LRP1B: variants seen among roughly 807,000 people sequenced by gnomAD.
LRP1B encodes the protein LDL receptor related protein 1B.
In LRP1B, 217 loss-of-function variants were observed where a neutral mutation model predicts 556.6. That is an observed-to-expected ratio of 0.39 (90% CI 0.35 to 0.44). LRP1B has a LOEUF of 0.44. LRP1B is among the 20% of genes least tolerant of loss of function. The pLI, the probability that LRP1B is intolerant of heterozygous loss-of-function variation, is 1.00. For missense variants in LRP1B, 5,053 were observed against 5,620.8 expected (o/e 0.90, Z 3.23); for synonymous variants, 2,047 against 1,865.8 (o/e 1.10, Z -2.50).
At chr2:141,094,219 T>C (rs1700240274) in intron 7 of LRP1B, among the ~76,000 whole-genome samples, 1 of 152,174 alleles carries the variant, frequency 6.6e-6, no homozygotes. Flanking sequence ...GTACTAAATA[T>C]TCTTTAAACA....
chr2:141,031,224 A>G (rs1019172365), intron 11 of LRP1B, among the ~76,000 whole-genome samples: 1 of 150,808 alleles, frequency 6.6e-6, no homozygotes, highest in Non-Finnish European at 1.5e-5. Flanking sequence ...TTTCTGGAGG[A>G]GCTATATATA....
At chr2:140,338,138 C>T (rs908438104) in intron 77 of LRP1B, among the ~76,000 whole-genome samples, 1 of 151,622 alleles carries the variant, frequency 6.6e-6, no homozygotes, top group South Asian at 2.1e-4. Context: ...TTAATATATA[C>T]ATTTATTCTC....
At chr2:140,382,465 A>T (rs576057880) in intron 67 of LRP1B, among the ~76,000 whole-genome samples, 1 of 152,322 alleles carries the variant, frequency 6.6e-6, no homozygotes, top group Non-Finnish European at 1.5e-5. Flanking sequence ...TTATTTCCAA[A>T]CCTCTGATCC....
intron 11 of LRP1B, among the ~76,000 whole-genome samples, chr2:141,023,275 A>T (rs1296763142): frequency 6.6e-6 from 1 of 151,930 alleles, no homozygotes; most frequent in Non-Finnish European, 1.5e-5. Context: ...CCACACACTC[A>T]CATATCTCAT....
intron 22 of LRP1B, among the ~76,000 whole-genome samples, chr2:140,904,807 A>C (rs1054136585): frequency 8.5e-5 from 13 of 152,150 alleles, no homozygotes; most frequent in Non-Finnish European, 1.8e-4. Flanking sequence ...CTTTTTCCAG[A>C]GAATTACTGT....
At chr2:141,042,899 T>TAAA (rs1008647736) in intron 11 of LRP1B, among the ~76,000 whole-genome samples, 81 of 151,976 alleles carry the variant, frequency 5.3e-4, no homozygotes, top group African/African-American at 1.9e-3. Flanking sequence ...GGGCCCATAC[T>TAAA]TTACGTAAAA....
chr2:141,795,372 G>T (rs1695768631), intron 2 of LRP1B, among the ~76,000 whole-genome samples: 1 of 152,008 alleles, frequency 6.6e-6, no homozygotes, highest in Non-Finnish European at 1.5e-5. Flanking sequence ...TATGTTGTGT[G>T]TACATGCATG....
At chr2:140,573,809 C>CT (rs1303104083) in intron 43 of LRP1B, among the ~76,000 whole-genome samples, 2 of 151,994 alleles carry the variant, frequency 1.3e-5, no homozygotes, top group Non-Finnish European at 2.9e-5. Flanking sequence ...AGTTCCACTC[C>CT]TGTGATTTTT....
intron 3 of LRP1B, among the ~76,000 whole-genome samples, chr2:141,459,068 A>C (rs7578251): frequency 2.6e-5 from 4 of 152,026 alleles, no homozygotes; most frequent in African/African-American, 9.7e-5. Context: ...GATCAATTAA[A>C]TTGAGCTAAA....
chr2:140,801,911 G>A (rs1690528010), intron 32 of LRP1B, among the ~76,000 whole-genome samples: 1 of 151,918 alleles, frequency 6.6e-6, no homozygotes, highest in African/African-American at 2.4e-5. Context: ...TAACCAGAGT[G>A]TGAAAGGAAA....
intron 3 of LRP1B, among the ~76,000 whole-genome samples, chr2:141,367,594 T>C (rs772505771): frequency 7.6e-5 from 11 of 145,622 alleles, no homozygotes; most frequent in Non-Finnish European, 1.4e-4. Context: ...ACCATTCTCC[T>C]TCCCCAGCCT....
At chr2:140,570,187 G>T (rs1681272307) in intron 43 of LRP1B, among the ~76,000 whole-genome samples, 1 of 151,224 alleles carries the variant, frequency 6.6e-6, no homozygotes, top group Non-Finnish European at 1.5e-5. Flanking sequence ...ATAGATTGGA[G>T]CAGAAATAAA....
intron 45 of LRP1B, among the ~76,000 whole-genome samples, chr2:140,540,664 C>A (rs1680099675): frequency 6.6e-6 from 1 of 152,098 alleles, no homozygotes; most frequent in East Asian, 1.9e-4. Flanking sequence ...ATTGAATTCA[C>A]AAAGTCACAA....
intron 49 of LRP1B, among the ~76,000 whole-genome samples, chr2:140,518,705 G>A (rs966901646): frequency 3.9e-5 from 6 of 152,074 alleles, no homozygotes; most frequent in African/African-American, 1.4e-4. Flanking sequence ...ACTGTGAATG[G>A]GAGTTCACTC....
chr2:141,313,941 T>C (rs2105454368), intron 3 of LRP1B, among the ~76,000 whole-genome samples: 1 of 152,260 alleles, frequency 6.6e-6, no homozygotes, highest in South Asian at 2.1e-4. Context: ...CAATTCTTTA[T>C]GTGTCAGTTC....
At chr2:140,723,517 G>T (rs564957557) in intron 35 of LRP1B, among the ~76,000 whole-genome samples, 1 of 145,240 alleles carries the variant, frequency 6.9e-6, no homozygotes, top group East Asian at 2.1e-4. Context: ...ACATTTCTCC[G>T]TTTTTATCAT....
Position 140,364,842 on chromosome 2 carries a change from G to A in LRP1B, c.11009-59C>T, listed in dbSNP as rs150511623. On this transcript the variant is annotated intron_variant, in intron 71 of 90. Transcript: ENST00000389484. Reference sequence around the variant, plus strand: ...CAGAGTAATCAGTGCCAGTCAGCAGGATCCATATTCTTCTGAATCTTAGCA... The same window carrying A: ...CAGAGTAATCAGTGCCAGTCAGCAGAATCCATATTCTTCTGAATCTTAGCA... 4.6e-4 allele frequency: 694 copies of A among 1,511,990 alleles called. 7 individuals carry two copies. In the African/African-American group the frequency reaches 8.9e-3, roughly 19 times the overall value. 93.7% of individuals were successfully genotyped at this position (1,511,990 alleles called of 1,614,324 possible).
intron 23 of LRP1B, among the ~76,000 whole-genome samples, chr2:140,895,393 G>C (rs1313579111): frequency 6.6e-6 from 1 of 152,154 alleles, no homozygotes; most frequent in Non-Finnish European, 1.5e-5. Context: ...CCCTTCACAG[G>C]ACTTGGGAAG....
At chr2:141,538,966 C>T (rs989278165) in intron 2 of LRP1B, among the ~76,000 whole-genome samples, 1 of 152,136 alleles carries the variant, frequency 6.6e-6, no homozygotes, top group Admixed American at 6.6e-5. Context: ...GGGACAATTG[C>T]TCTGGAAATA....
Sources: allele counts gnomAD v4.1 joint callset (sites outside exome capture counted in the v4.1 genomes callset), GRCh38; gene constraint gnomAD v4.1.1; transcripts MANE v1.5; gene names NCBI Gene and HGNC (gene_info 2026-07-23, HGNC 2026-07-21).